Variants in ARHGEF3 observed in about 807,000 individuals in gnomAD.
ARHGEF3 encodes 59.8 kDA protein.
In ARHGEF3, 28 loss-of-function variants were observed where a neutral mutation model predicts 63.2. That is an observed-to-expected ratio of 0.44 (90% CI 0.33 to 0.61). The LOEUF is 0.61. ARHGEF3 is among the 20% of genes least tolerant of loss of function. The pLI is 0.03. For missense variants in ARHGEF3, 533 were observed against 659.3 expected (o/e 0.81, Z 2.10); for synonymous variants, 266 against 254.2 (o/e 1.05, Z -0.44).
chr3:56,859,312 TA>T (rs2039988883), intron 4 of ARHGEF3, among the ~76,000 whole-genome samples: 1 of 151,480 alleles, frequency 6.6e-6, no homozygotes, highest in Non-Finnish European at 1.5e-5. Context: ...TAATTTTTTG[TA>T]TTTTTTTAGT....
intron 8 of ARHGEF3, 28 bp downstream of exon 8, chr3:56,737,157 A>T (rs1318544342): frequency 2.5e-6 from 4 of 1,592,318 alleles, no homozygotes; most frequent in Non-Finnish European, 3.4e-6. Flanking sequence ...GAGGCGGATA[A>T]GACTGCTTAA....
At chr3:56,877,526 C>T (rs769530830) in intron 4 of ARHGEF3, among the ~76,000 whole-genome samples, 2 of 152,046 alleles carry the variant, frequency 1.3e-5, no homozygotes, top group Non-Finnish European at 2.9e-5. Context: ...CATGCATCAC[C>T]ATACCTGGCT....
Position 56,737,293 on chromosome 3 carries a change from G to A in ARHGEF3, c.933C>T (p.Arg311=). The A allele has an allele frequency of 6.2e-7, 1 of 1,613,560 alleles. No homozygotes were observed. The highest frequency in any genetic ancestry group is 8.5e-7 in the Non-Finnish European group (1 of 1,179,600). ...INTKTGESEC[R]YYKERLLYLE... ...AGTAAAGAAGCCGCTCTTTATAATA[G>A]CGGCATTCAGATTCACCAGTCTTGG... Residue 311 remains arginine, a synonymous_variant, in exon 8 of 10, where the codon CGC becomes CGT. Coordinates refer to ENST00000296315, the MANE Select transcript of ARHGEF3 (RefSeq NM_019555.3).
intron 2 of ARHGEF3, among the ~76,000 whole-genome samples, chr3:56,992,922 C>T (rs916266036): frequency 1.3e-5 from 2 of 152,180 alleles, no homozygotes; most frequent in Admixed American, 6.5e-5. Flanking sequence ...CAACCTCTGC[C>T]GCCTGGGTTC....
chr3:56,779,208 T>C (rs1330535785), intron 1 of ARHGEF3, among the ~76,000 whole-genome samples: 2 of 152,250 alleles, frequency 1.3e-5, no homozygotes, highest in African/African-American at 4.8e-5. Flanking sequence ...TGCATTTTAT[T>C]CTCTTAACTT....
At chr3:56,857,223 CGGTGG>C in intron 4 of ARHGEF3, among the ~76,000 whole-genome samples, 1 of 152,292 alleles carries the variant, frequency 6.6e-6, no homozygotes, top group African/African-American at 2.4e-5. Flanking sequence ...ACAGTGGCCA[CGGTGG>C]GTTGCCTTCC....
chr3:56,839,483 AT>A (rs2039238076), intron 4 of ARHGEF3, among the ~76,000 whole-genome samples: 1 of 152,166 alleles, frequency 6.6e-6, no homozygotes, highest in African/African-American at 2.4e-5. Context: ...TACTTTCCTG[AT>A]TTTGACAGAT....
At chr3:56,838,472 G>A (rs1391990771) in intron 4 of ARHGEF3, among the ~76,000 whole-genome samples, 1 of 152,026 alleles carries the variant, frequency 6.6e-6, no homozygotes, top group Non-Finnish European at 1.5e-5. Context: ...TAATAAAAAG[G>A]CTTTTTAAAA....
At chr3:57,010,455 C>CA (rs35833729) in intron 2 of ARHGEF3, among the ~76,000 whole-genome samples, 1,410 of 50,052 alleles carry the variant, frequency 0.028, 27 homozygotes, top group East Asian at 0.12. Context: ...GACTCCATCT[C>CA]AAAAAAAAAA....
At chr3:56,886,960 CAGA>C (rs1195257128) in intron 3 of ARHGEF3, among the ~76,000 whole-genome samples, 1 of 152,152 alleles carries the variant, frequency 6.6e-6, no homozygotes, top group Non-Finnish European at 1.5e-5. Flanking sequence ...CAGACCTGCA[CAGA>C]AGGTCTAGGA....
intron 4 of ARHGEF3, among the ~76,000 whole-genome samples, chr3:56,864,727 G>A (rs2040185784): frequency 6.6e-6 from 1 of 152,082 alleles, no homozygotes; most frequent in Admixed American, 6.6e-5. Context: ...GGTCCTCAAG[G>A]ACCTTACAGT....
rs148808235 is a variant in ARHGEF3, at chr3:57,061,969, A to G, written c.-28+17257T>C. ...AAAACAAGGTGCTGCTCTGCCTACA[A>G]GCATTTTCTGCCCTGAATAATGCCT... On this transcript the variant is annotated intron_variant, in intron 1 of 12. Transcript: ENST00000338458. 2.4e-4 allele frequency among the ~76,000 whole-genome samples: 36 copies of G among 152,256 alleles called. No homozygotes were observed. In the East Asian group the frequency reaches 3.1e-3, roughly 13 times the overall value.
intron 3 of ARHGEF3, among the ~76,000 whole-genome samples, chr3:56,916,728 C>T (rs2042000993): frequency 6.6e-6 from 1 of 152,194 alleles, no homozygotes; most frequent in Admixed American, 6.5e-5. Context: ...TTTGCAGACC[C>T]AAACACTGGG....
At chr3:56,998,407 C>CT (rs10594789) in intron 2 of ARHGEF3, among the ~76,000 whole-genome samples, 2,472 of 144,380 alleles carry the variant, frequency 0.017, 70 homozygotes, top group African/African-American at 0.056. Context: ...GTCATCCTGA[C>CT]TTTTTTTTTT....
chr3:57,008,611 G>C (rs1363760306), intron 2 of ARHGEF3, among the ~76,000 whole-genome samples: 1 of 152,092 alleles, frequency 6.6e-6, no homozygotes, highest in African/African-American at 2.4e-5. Flanking sequence ...CAAGTAGCTG[G>C]GATTATAGGC....
intron 1 of ARHGEF3, among the ~76,000 whole-genome samples, chr3:57,077,341 T>C (rs1706266450): frequency 6.6e-6 from 1 of 152,146 alleles, no homozygotes; most frequent in South Asian, 2.1e-4. Context: ...TCCACTTTCC[T>C]ACCAGAAGTT....
At chr3:56,968,163 TTATATAATATATATAAAAA>T (rs1560093862) in intron 2 of ARHGEF3, among the ~76,000 whole-genome samples, 7 of 28,820 alleles carry the variant, frequency 2.4e-4, no homozygotes, top group South Asian at 1.3e-3. Context: ...AAAATATATA[TTATATAATATATATAAAAA>T]TATATATTAT....
intron 1 of ARHGEF3, among the ~76,000 whole-genome samples, chr3:57,072,301 G>T (rs1308022335): frequency 6.6e-6 from 1 of 152,148 alleles, no homozygotes; most frequent in East Asian, 1.9e-4. Flanking sequence ...GTCCACAGAA[G>T]TTTGTATATT....
upstream of ARHGEF3, among the ~76,000 whole-genome samples, chr3:56,804,890 G>C (rs1578561939): frequency 6.6e-6 from 1 of 152,320 alleles, no homozygotes; most frequent in Admixed American, 6.5e-5. Flanking sequence ...GCCAGAGGCA[G>C]TGACATGCGT....
Sources: gnomAD v4.1 joint callset for allele counts (sites outside exome capture counted in the v4.1 genomes callset) on GRCh38, gnomAD v4.1.1 for gene constraint, MANE v1.5 for transcripts, NCBI Gene and HGNC (gene_info 2026-07-23, HGNC 2026-07-21) for gene names.